Variants in ITGA11 observed in about 807,000 individuals in gnomAD.
The protein encoded by ITGA11 is integrin alpha-11.
ITGA11 carries 97 observed loss-of-function variants against 141.9 expected under a neutral mutation model. The ratio of observed to expected loss-of-function variants is 0.68; its 90% CI spans 0.58 to 0.81. The LOEUF is 0.81. Among genes scored for constraint, ITGA11 ranks in the 30% least tolerant of loss-of-function variants. The pLI is 0.00. For missense variants in ITGA11, 1,387 were observed against 1,559.2 expected (o/e 0.89, Z 1.86); for synonymous variants, 658 against 624.6 (o/e 1.05, Z -0.80).
chr15:68,342,109 G>A (rs1372521226), intron 10 of ITGA11, among the ~76,000 whole-genome samples: 1 of 152,180 alleles, frequency 6.6e-6, no homozygotes, highest in Non-Finnish European at 1.5e-5. Flanking sequence ...CTTCCCAGCT[G>A]GGGAAGCCCA....
At chr15:68,352,190 G>GTT (rs796359057) in intron 7 of ITGA11, among the ~76,000 whole-genome samples, 16 of 138,362 alleles carry the variant, frequency 1.2e-4, no homozygotes, top group Admixed American at 1.5e-4. Flanking sequence ...CTGGATATTA[G>GTT]TTTTTTTTTT....
At position 68,376,141 on chromosome 15, in the gene ITGA11, G is replaced by C. The variant is rs148372650; in HGVS notation, c.165-6857C>G. 5.1e-3 allele frequency among the ~76,000 whole-genome samples: 770 copies of C among 152,276 alleles called. 7 individuals are homozygous for C. The highest frequency in any genetic ancestry group is 0.018 in the African/African-American group (744 of 41,560). Reference sequence around the variant, plus strand: ...AAACAGAGGCATGGCGACTCTCACTGGGCTCAAAGCCCCAGATCCATGCCA... The same window carrying C: ...AAACAGAGGCATGGCGACTCTCACTCGGCTCAAAGCCCCAGATCCATGCCA... On this transcript the variant is annotated intron_variant, in intron 2 of 29. Coordinates refer to ENST00000315757, the MANE Select transcript of ITGA11 (RefSeq NM_001004439.2).
chr15:68,365,188 T>C (rs1895379791), intron 3 of ITGA11: 21 of 985,380 alleles, frequency 2.1e-5, no homozygotes, highest in Non-Finnish European at 2.5e-5. Flanking sequence ...TACGCTTTCT[T>C]CCAAGTTGAC....
chr15:68,306,666 C>G (rs914403119), intron 28 of ITGA11, among the ~76,000 whole-genome samples: 9 of 152,226 alleles, frequency 5.9e-5, no homozygotes, highest in African/African-American at 2.2e-4. Context: ...GCCTGGCATC[C>G]CCCTGCCCTG....
At chr15:68,312,484 G>C (rs1192081418) in intron 24 of ITGA11, among the ~76,000 whole-genome samples, 2 of 152,182 alleles carry the variant, frequency 1.3e-5, no homozygotes, top group Non-Finnish European at 2.9e-5. Flanking sequence ...TTTTATGGGA[G>C]AGAGTAAACC....
chr15:68,327,553 C>T (rs1254772833), intron 16 of ITGA11, among the ~76,000 whole-genome samples: 1 of 152,158 alleles, frequency 6.6e-6, no homozygotes, highest in Non-Finnish European at 1.5e-5. Context: ...GTCCTGGAAC[C>T]CGCAGCTCAC....
intron 11 of ITGA11, among the ~76,000 whole-genome samples, chr15:68,339,233 A>G (rs1894476895): frequency 6.6e-6 from 1 of 152,220 alleles, no homozygotes; most frequent in African/African-American, 2.4e-5. Context: ...GCACCAAATG[A>G]AACACATTGA....
intron 1 of ITGA11, among the ~76,000 whole-genome samples, chr15:68,418,180 G>A (rs1472335131): frequency 4.6e-5 from 7 of 152,242 alleles, no homozygotes; most frequent in Admixed American, 1.3e-4. Context: ...CAGAATCAGT[G>A]TGTCTGTCTC....
intron 4 of ITGA11, 139 bp from the exon 5 acceptor site, chr15:68,361,843 T>G (rs1895253222): frequency 3.2e-6 from 2 of 622,732 alleles, no homozygotes. Flanking sequence ...GGGATCTTCT[T>G]TGGGTCTAAC....
intron 7 of ITGA11, 141 bp from the exon 8 acceptor site, chr15:68,351,543 A>C: frequency 1.3e-6 from 1 of 775,444 alleles, no homozygotes; most frequent in Non-Finnish European, 2.1e-6. Flanking sequence ...CCTCAAACCA[A>C]AGAAGTAGCT....
rs145033128 is a variant in ITGA11 at position 68,390,373 on chromosome 15, G to A, written c.164+12545C>T. On this transcript the variant is annotated intron_variant, in intron 2 of 29. Transcript: ENST00000315757. ...ACTGGTGCCTGAGGTGGGAGTCAGC[G>A]GTGGATTCTTCCCTGGGGGCAATGC... Among the ~76,000 whole-genome samples the A allele has an allele frequency of 3.0e-3, 457 of 152,258 alleles. 5 individuals are homozygous for A. The highest frequency in any genetic ancestry group is 0.01 in the African/African-American group (434 of 41,542).
intron 1 of ITGA11, among the ~76,000 whole-genome samples, chr15:68,416,348 G>A (rs1314113599): frequency 2.0e-5 from 3 of 152,196 alleles, no homozygotes; most frequent in Non-Finnish European, 4.4e-5. Flanking sequence ...TAGGGCAGGT[G>A]GCATGTAGGC....
In ITGA11 at chr15:68,325,248, G is replaced by A. The variant is rs1186994308; in HGVS notation, c.2212-7C>T. On this transcript the variant is annotated splice_region_variant and splice_polypyrimidine_tract_variant and intron_variant, in intron 17 of 29. Transcript: ENST00000315757. This position sits in a 1 kb window ranked among gnomAD's most constrained non-coding sequence, Gnocchi z 5.5. ...TCACGTAGTCAGCAGTGTCCTGGGG[G>A]GTGGAGATGAGGGCAGCGGTGAGGG... 3.8e-6 allele frequency: 6 copies of A among 1,599,610 alleles called. No individual in the cohort carries two copies. The highest frequency in any genetic ancestry group is 5.1e-6 in the Non-Finnish European group (6 of 1,166,928).
At chr15:68,398,805 A>G (rs1196274630) in intron 2 of ITGA11, among the ~76,000 whole-genome samples, 1 of 128,086 alleles carries the variant, frequency 7.8e-6, no homozygotes, top group Non-Finnish European at 1.6e-5. Context: ...AAATAAGAAT[A>G]GTTTATTTTT....
intron 1 of ITGA11, among the ~76,000 whole-genome samples, chr15:68,420,258 T>C (rs1896985449): frequency 6.6e-6 from 1 of 152,098 alleles, no homozygotes; most frequent in Non-Finnish European, 1.5e-5. Context: ...CCTTGTTTCC[T>C]AGGAAGTCCC....
rs12148843 is a variant in ITGA11, at chr15:68,302,184, G to A, written c.*875C>T. 43,718 of 151,660 alleles carry A rather than the reference G, an allele frequency of 0.29. 6,757 individuals carry two copies. The highest frequency in any genetic ancestry group is 0.34 in the Non-Finnish European group (23,062 of 68,098). The allele number at this position is 151,660 out of a possible 1,614,324, so 9.4% of individuals were successfully genotyped here. ...CCTGCTGCCCAGCTGCAGCCAGGCC[G>A]GTGCGTCCATGTCTAGGGGCAGGCT... On this transcript the variant is annotated 3_prime_UTR_variant, in exon 30 of 30. Coordinates refer to ENST00000315757, the MANE Select transcript of ITGA11 (RefSeq NM_001004439.2).
At chr15:68,406,136 T>C (rs567619935) in intron 1 of ITGA11, among the ~76,000 whole-genome samples, 1 of 152,246 alleles carries the variant, frequency 6.6e-6, no homozygotes, top group African/African-American at 2.4e-5. Context: ...ACAGATTGTG[T>C]CTTTGGGGCC....
chr15:68,312,902 A>G (rs1375730319), intron 23 of ITGA11, 39 bp from the exon 24 acceptor site: 1 of 1,453,924 alleles, frequency 6.9e-7, no homozygotes, highest in Non-Finnish European at 9.6e-7. Flanking sequence ...GAGCTCAGTC[A>G]GGGCTGGCTG....
At chr15:68,368,368 C>T (rs1895491265) in intron 3 of ITGA11, among the ~76,000 whole-genome samples, 1 of 152,210 alleles carries the variant, frequency 6.6e-6, no homozygotes, top group South Asian at 2.1e-4. Context: ...AAGCAATGAC[C>T]CAGCTGCTGT....
Sources: gnomAD v4.1 joint callset for allele counts (sites outside exome capture counted in the v4.1 genomes callset) on GRCh38, gnomAD v4.1.1 for gene constraint, Gnocchi (gnomAD v3.1) non-coding constraint, MANE v1.5 for transcripts, NCBI Gene and HGNC (gene_info 2026-07-23, HGNC 2026-07-21) for gene names.